The following SAMD12 variants were observed in gnomAD, a reference collection of about 807,000 sequenced individuals.
The protein encoded by SAMD12 is sterile alpha motif domain containing 12, also known as sterile alpha motif domain-containing protein 12.
SAMD12 carries 9 observed loss-of-function variants against 15.0 expected under a neutral mutation model. The observed-to-expected ratio is 0.60, with a 90% CI of 0.36 to 1.05. The LOEUF (loss-of-function observed/expected upper bound fraction) is 1.05. Ranked by LOEUF, SAMD12 falls within the 50% of genes least tolerant of loss-of-function variation. The pLI is 0.01. For missense variants in SAMD12, 230 were observed against 234.2 expected (o/e 0.98, Z 0.12); for synonymous variants, 86 against 90.1 (o/e 0.96, Z 0.25).
chr8:118,532,126 T>A (rs1177070287), intron 2 of SAMD12, among the ~76,000 whole-genome samples: 2 of 152,214 alleles, frequency 1.3e-5, no homozygotes, highest in Non-Finnish European at 2.9e-5. Context: ...TATTGAGAGT[T>A]TTTAGCGTGA....
intron 2 of SAMD12, among the ~76,000 whole-genome samples, chr8:118,555,054 A>T (rs1371232607): frequency 6.6e-6 from 1 of 152,150 alleles, no homozygotes; most frequent in Non-Finnish European, 1.5e-5. Flanking sequence ...ATGACCAGTT[A>T]GGGGTTTGGA....
chr8:118,151,428 T>A, the SAMD12 span, among the ~76,000 whole-genome samples: 12 of 152,330 alleles, frequency 7.9e-5, no homozygotes, highest in East Asian at 1.5e-3. Context: ...TTGTCCCACC[T>A]CTCAGTAATG....
chr8:118,217,472 G>C (rs969393904), intron 4 of SAMD12, among the ~76,000 whole-genome samples: 5 of 152,182 alleles, frequency 3.3e-5, no homozygotes, highest in African/African-American at 1.2e-4. Flanking sequence ...GGGAGTTTTT[G>C]TCCATAAAGT....
intron 2 of SAMD12, among the ~76,000 whole-genome samples, chr8:118,548,704 C>T (rs1218709994): frequency 2.0e-5 from 3 of 152,244 alleles, no homozygotes; most frequent in East Asian, 1.9e-4. Flanking sequence ...GCACCGTGCG[C>T]GAGCCGAAGC....
intron 4 of SAMD12, among the ~76,000 whole-genome samples, chr8:118,255,837 C>A (rs1812926328): frequency 6.6e-6 from 1 of 152,020 alleles, no homozygotes; most frequent in East Asian, 1.9e-4. Context: ...GTCTTTATAG[C>A]AGCATGATTT....
intron 4 of SAMD12, among the ~76,000 whole-genome samples, chr8:118,219,603 A>C (rs1415225617): frequency 6.6e-6 from 1 of 152,208 alleles, no homozygotes; most frequent in Non-Finnish European, 1.5e-5. Flanking sequence ...ATGCTATGCC[A>C]GTTCTGGGCC....
intron 1 of SAMD12, among the ~76,000 whole-genome samples, chr8:118,591,180 C>A (rs1240636203): frequency 6.6e-6 from 1 of 151,972 alleles, no homozygotes; most frequent in Non-Finnish European, 1.5e-5. Context: ...AAATTAATCT[C>A]AAAAATACAA....
At chr8:118,243,574 CTG>C (rs1452116811) in intron 4 of SAMD12, among the ~76,000 whole-genome samples, 4 of 152,092 alleles carry the variant, frequency 2.6e-5, no homozygotes, top group African/African-American at 9.7e-5. Flanking sequence ...CGGGATATAA[CTG>C]TTATTTTCTT....
intron 3 of SAMD12, among the ~76,000 whole-genome samples, chr8:118,435,916 TA>T (rs1416015684): frequency 1.3e-5 from 2 of 152,148 alleles, no homozygotes; most frequent in Non-Finnish European, 1.5e-5. Flanking sequence ...AAGACTGAAA[TA>T]AATGTGTAAA....
At chr8:118,161,144 T>A in the SAMD12 span, among the ~76,000 whole-genome samples, 1 of 152,188 alleles carries the variant, frequency 6.6e-6, no homozygotes, top group African/African-American at 2.4e-5. Flanking sequence ...TATGGCTGCA[T>A]AGTATTCCAT....
intron 2 of SAMD12, among the ~76,000 whole-genome samples, chr8:118,520,423 T>G (rs1182574451): frequency 6.6e-6 from 1 of 152,112 alleles, no homozygotes. Flanking sequence ...AGGGGAAAAA[T>G]CACTTTCTCA....
chr8:118,140,831 TC>T, the SAMD12 span, among the ~76,000 whole-genome samples: 54 of 152,296 alleles, frequency 3.5e-4, no homozygotes, highest in African/African-American at 1.3e-3. Context: ...TTCTTTTCCT[TC>T]CCTGAAGCAA....
intron 4 of SAMD12, among the ~76,000 whole-genome samples, chr8:118,247,735 G>A (rs912896293): frequency 1.1e-4 from 17 of 152,012 alleles, no homozygotes; most frequent in African/African-American, 4.1e-4. Context: ...TGGGACTACA[G>A]GCACGCACCA....
chr8:118,536,423 G>A (rs1001097280), intron 2 of SAMD12, among the ~76,000 whole-genome samples: 2 of 146,144 alleles, frequency 1.4e-5, no homozygotes, highest in Non-Finnish European at 3.0e-5. Context: ...TTTAGATTGA[G>A]CTATGTAGAC....
intron 4 of SAMD12, among the ~76,000 whole-genome samples, chr8:118,338,425 C>G (rs1340016787): frequency 6.6e-6 from 1 of 152,046 alleles, no homozygotes; most frequent in Non-Finnish European, 1.5e-5. Flanking sequence ...GGTCTAATTA[C>G]CAAGACAGTG....
chr8:118,615,561 T>C (rs991891883), intron 1 of SAMD12, among the ~76,000 whole-genome samples: 3 of 152,154 alleles, frequency 2.0e-5, no homozygotes, highest in Non-Finnish European at 2.9e-5. Context: ...GCATTTGCAA[T>C]ATCCCCTTTC....
chr8:118,608,494 GA>G (rs1233912967), intron 1 of SAMD12, among the ~76,000 whole-genome samples: 2 of 152,124 alleles, frequency 1.3e-5, no homozygotes, highest in East Asian at 3.9e-4. Context: ...TAGAAGGATA[GA>G]AGGATCTGTG....
intron 2 of SAMD12, among the ~76,000 whole-genome samples, chr8:118,462,344 T>C (rs1823447087): frequency 6.6e-6 from 1 of 152,208 alleles, no homozygotes; most frequent in Non-Finnish European, 1.5e-5. Flanking sequence ...AAACTTGAAT[T>C]TGACAAGACA....
intron 4 of SAMD12, among the ~76,000 whole-genome samples, chr8:118,361,597 T>C (rs1447102373): frequency 6.6e-6 from 1 of 152,198 alleles, no homozygotes; most frequent in Non-Finnish European, 1.5e-5. Context: ...GGCTAAAATG[T>C]TACCTTTGAC....
Sources: allele counts gnomAD v4.1 joint callset (sites outside exome capture counted in the v4.1 genomes callset), GRCh38; gene constraint gnomAD v4.1.1; transcripts MANE v1.5; gene names NCBI Gene and HGNC (gene_info 2026-07-23, HGNC 2026-07-21).